Variants in CLXN observed in about 807,000 individuals in gnomAD.
CLXN encodes the protein calaxin.
the CLXN span, chr8:48,729,117 A>G: frequency 1.9e-6 from 3 of 1,613,440 alleles, no homozygotes; most frequent in African/African-American, 4.0e-5. Context: ...CATAGTCTGC[A>G]AAAGACAGCT....
At chr8:48,720,349 A>G in the CLXN span, among the ~76,000 whole-genome samples, 2 of 152,162 alleles carry the variant, frequency 1.3e-5, no homozygotes, top group Admixed American at 1.3e-4. Context: ...GGAAGGTATC[A>G]TTAAGTTCTT....
At chr8:48,726,982 C>T in the CLXN span, among the ~76,000 whole-genome samples, 2 of 149,966 alleles carry the variant, frequency 1.3e-5, no homozygotes, top group African/African-American at 4.9e-5. Context: ...ATCCACCCAC[C>T]TCATCCATCC....
At chr8:48,730,720 C>T in the CLXN span, 1 of 775,630 alleles carries the variant, frequency 1.3e-6, no homozygotes, top group Non-Finnish European at 2.0e-6. Context: ...TGGCATCACT[C>T]ACTTTTAAAA....
At chr8:48,716,738 G>A in the CLXN span, among the ~76,000 whole-genome samples, 1 of 151,752 alleles carries the variant, frequency 6.6e-6, no homozygotes, top group Admixed American at 6.6e-5. Flanking sequence ...CTGAAGACAG[G>A]TCATTTGAGA....
chr8:48,732,905 T>C, the CLXN span, among the ~76,000 whole-genome samples: 1 of 152,098 alleles, frequency 6.6e-6, no homozygotes, highest in South Asian at 2.1e-4. Context: ...GTCAGATTTA[T>C]AGAGACAAAG....
the CLXN span, chr8:48,711,312 C>G: frequency 3.3e-5 from 5 of 152,210 alleles, no homozygotes; most frequent in African/African-American, 1.2e-4. Context: ...GTTGAGGAGT[C>G]TGGCTTCCAC....
the CLXN span, chr8:48,730,709 T>C: frequency 3.5e-6 from 3 of 852,630 alleles, no homozygotes; most frequent in South Asian, 1.8e-5. Context: ...AGTATCTACA[T>C]TGGCATCACT....
chr8:48,729,126 C>A, the CLXN span: 1 of 1,613,104 alleles, frequency 6.2e-7, no homozygotes, highest in African/African-American at 1.3e-5. Flanking sequence ...CAAAAGACAG[C>A]TTCCCATCAT....
the CLXN span, chr8:48,729,091 T>C: frequency 1.9e-6 from 3 of 1,613,552 alleles, no homozygotes; most frequent in Non-Finnish European, 1.7e-6. Flanking sequence ...AAGAGTCTCT[T>C]CTCTCACAGC....
the CLXN span, among the ~76,000 whole-genome samples, chr8:48,732,844 C>A: frequency 6.6e-6 from 1 of 151,978 alleles, no homozygotes; most frequent in Non-Finnish European, 1.5e-5. Flanking sequence ...GTCAAATAAG[C>A]CAGACACAAA....
chr8:48,734,997 C>A, the CLXN span: 1 of 1,410,534 alleles, frequency 7.1e-7, no homozygotes, highest in Non-Finnish European at 9.8e-7. Context: ...AGAGTCCCAG[C>A]AGGCGGGAAG....
At chr8:48,713,164 G>A in the CLXN span, among the ~76,000 whole-genome samples, 1 of 152,204 alleles carries the variant, frequency 6.6e-6, no homozygotes, top group African/African-American at 2.4e-5. Context: ...ATCCCTGACA[G>A]AGAGGGCAGT....
At chr8:48,727,041 A>G in the CLXN span, among the ~76,000 whole-genome samples, 2 of 140,618 alleles carry the variant, frequency 1.4e-5, no homozygotes, top group Non-Finnish European at 3.1e-5. Flanking sequence ...CCATTCATCC[A>G]TCCACACACC....
At chr8:48,724,850 A>C in the CLXN span, 4 of 1,494,566 alleles carry the variant, frequency 2.7e-6, no homozygotes, top group Non-Finnish European at 3.7e-6. Context: ...AAAAGGTAGA[A>C]CACCACAAAA....
the CLXN span, among the ~76,000 whole-genome samples, chr8:48,726,558 C>T: frequency 2.1e-4 from 30 of 143,848 alleles, 1 homozygote; most frequent in South Asian, 7.3e-4. Context: ...TCTACCTACC[C>T]GCACATTCAC....
chr8:48,730,361 ACTTT>A, the CLXN span, among the ~76,000 whole-genome samples: 3 of 152,102 alleles, frequency 2.0e-5, no homozygotes, highest in Admixed American at 6.6e-5. Flanking sequence ...CTTTTTATTA[ACTTT>A]CTTTCATATT....
the CLXN span, chr8:48,728,929 G>A: frequency 1.6e-6 from 1 of 644,914 alleles, no homozygotes; most frequent in Non-Finnish European, 2.6e-6. Flanking sequence ...TATTTAAAAG[G>A]TATTCTTTCT....
the CLXN span, among the ~76,000 whole-genome samples, chr8:48,723,194 T>C: frequency 6.6e-6 from 1 of 152,196 alleles, no homozygotes. Context: ...GTTAATTAAC[T>C]TGATTGTGGT....
chr8:48,712,990 C>CAAAAAAA, the CLXN span, among the ~76,000 whole-genome samples: 1 of 99,556 alleles, frequency 1.0e-5, no homozygotes, highest in Non-Finnish European at 1.9e-5. Flanking sequence ...ACTCCTCTGT[C>CAAAAAAA]AAAAAAAAAA....
Sources: allele counts gnomAD v4.1 joint callset (sites outside exome capture counted in the v4.1 genomes callset), GRCh38; gene constraint gnomAD v4.1.1; transcripts MANE v1.5; gene names NCBI Gene and HGNC (gene_info 2026-07-23, HGNC 2026-07-21).